KANSL1: variants seen among roughly 807,000 people sequenced by gnomAD.
KANSL1 encodes the protein MLL1/MLL complex subunit KANSL1.
KANSL1 carries 22 observed loss-of-function variants against 103.6 expected under a neutral mutation model. That is an observed-to-expected ratio of 0.21 (90% CI 0.15 to 0.30). The LOEUF is 0.30. Among genes scored for constraint, KANSL1 ranks in the 10% least tolerant of loss-of-function variants. KANSL1 has a pLI of 1.00. For synonymous variants in KANSL1, 600 were observed against 527.6 expected (o/e 1.14, Z -1.88); for missense variants, 1,337 against 1,399.8 (o/e 0.96, Z 0.72).
chr17:46,054,878 A>T (rs1322398387), intron 6 of KANSL1, among the ~76,000 whole-genome samples: 2 of 143,984 alleles, frequency 1.4e-5, no homozygotes, highest in Non-Finnish European at 3.0e-5. Flanking sequence ...TTTGAGATGG[A>T]GTCTCGCTGT....
At chr17:46,098,817 G>A (rs1702146719) in intron 2 of KANSL1, among the ~76,000 whole-genome samples, 1 of 152,192 alleles carries the variant, frequency 6.6e-6, no homozygotes, top group Non-Finnish European at 1.5e-5. Context: ...CATCTCCAAT[G>A]AAAAATGGAA....
intron 2 of KANSL1, among the ~76,000 whole-genome samples, chr17:46,146,790 G>A (rs1402130767): frequency 2.2e-5 from 3 of 133,484 alleles, no homozygotes; most frequent in Non-Finnish European, 3.0e-5. Context: ...CCGAGATCCC[G>A]CCACTGCACT....
chr17:46,101,818 T>G (rs1441494699), intron 2 of KANSL1, among the ~76,000 whole-genome samples: 1 of 149,228 alleles, frequency 6.7e-6, no homozygotes, highest in East Asian at 2.0e-4. Context: ...GGATTTAAAT[T>G]CCGTATCAAA....
intron 1 of KANSL1, among the ~76,000 whole-genome samples, chr17:46,174,930 A>G (rs1264911361): frequency 6.6e-6 from 1 of 152,250 alleles, no homozygotes; most frequent in African/African-American, 2.4e-5. Context: ...TCCTGGGATT[A>G]TAGGCATAAG....
chr17:46,125,009 GAA>G, intron 2 of KANSL1, among the ~76,000 whole-genome samples: 1 of 60,886 alleles, frequency 1.6e-5, no homozygotes, highest in African/African-American at 4.2e-5. Context: ...GAAAGAAAGG[GAA>G]GGGAAGGGAA....
intron 2 of KANSL1, among the ~76,000 whole-genome samples, chr17:46,160,235 T>A (rs1422488846): frequency 4.6e-5 from 7 of 152,112 alleles, no homozygotes; most frequent in South Asian, 2.1e-4. Context: ...CTTCCTTTTT[T>A]AAAAAAAATA....
At chr17:46,163,898 T>C (rs1234710161) in intron 2 of KANSL1, among the ~76,000 whole-genome samples, 2 of 152,252 alleles carry the variant, frequency 1.3e-5, no homozygotes, top group African/African-American at 4.8e-5. Context: ...TCAACTTGTC[T>C]TCTCTGTGTG....
At chr17:46,161,250 T>TAAAAAAA (rs534754110) in intron 2 of KANSL1, among the ~76,000 whole-genome samples, 3 of 79,398 alleles carry the variant, frequency 3.8e-5, no homozygotes, top group Admixed American at 1.3e-4. Context: ...CCACCTCTAC[T>TAAAAAAA]AAAAAAAAAA....
At chr17:46,051,875 G>A (rs1022899028) in intron 6 of KANSL1, among the ~76,000 whole-genome samples, 3 of 152,096 alleles carry the variant, frequency 2.0e-5, no homozygotes, top group Non-Finnish European at 4.4e-5. Flanking sequence ...ACATTCCCCC[G>A]ACATTCTATT....
intron 2 of KANSL1, among the ~76,000 whole-genome samples, chr17:46,111,943 T>C (rs1449459105): frequency 6.6e-6 from 1 of 152,246 alleles, no homozygotes; most frequent in East Asian, 1.9e-4. Context: ...CTTTTCAAGA[T>C]TCGATCCCAC....
chr17:46,176,564 G>A (rs761209710), intron 1 of KANSL1, among the ~76,000 whole-genome samples: 7 of 152,206 alleles, frequency 4.6e-5, no homozygotes, highest in Non-Finnish European at 1.0e-4. Context: ...GGCGGCGAGC[G>A]CCTGTAATCC....
chr17:46,180,562 T>C (rs1361839202), intron 1 of KANSL1, among the ~76,000 whole-genome samples: 1 of 152,186 alleles, frequency 6.6e-6, no homozygotes, highest in Non-Finnish European at 1.5e-5. Context: ...GGCAGGTGCC[T>C]GTAGTCCCAG....
upstream of KANSL1, chr17:46,196,375 C>T: frequency 2.2e-6 from 1 of 456,308 alleles, no homozygotes; most frequent in South Asian, 1.5e-5. Context: ...TAGGAATGGC[C>T]ATGAGATGTG....
chr17:46,224,207 A>G (rs2048614743), upstream of KANSL1, among the ~76,000 whole-genome samples: 1 of 152,238 alleles, frequency 6.6e-6, no homozygotes, highest in Non-Finnish European at 1.5e-5. Context: ...CTGTCCCAAG[A>G]TTATGCTTAA....
rs1047702998 is a variant in KANSL1, at chr17:46,052,939, G to A, written c.1849-2235C>T. ...TGATTGCACCACTGCACTGCAGCCT[G>A]GGAAAAAGAGTAAGATCCTGTCTCC... On this transcript the variant is annotated intron_variant, in intron 6 of 14. Transcript: ENST00000432791. Among the ~76,000 whole-genome samples the A allele has an allele frequency of 7.9e-5, 9 of 114,530 alleles. No homozygotes were observed. In the Admixed American group the frequency reaches 8.8e-4, roughly 11 times the overall value. The allele number at this position is 114,530 out of a possible 152,430, so 75.1% of individuals were successfully genotyped here. A position where few individuals can be genotyped will look rare whatever the true frequency, so the allele number is the denominator to read the frequency against.
At chr17:46,058,784 C>G (rs1195358470) in intron 6 of KANSL1, among the ~76,000 whole-genome samples, 1 of 87,062 alleles carries the variant, frequency 1.1e-5, no homozygotes, top group East Asian at 3.3e-4. Flanking sequence ...CTCTCTCTCT[C>G]TCTCTCTCAA....
chr17:46,182,512 A>G (rs931932511), intron 1 of KANSL1, among the ~76,000 whole-genome samples: 1 of 152,278 alleles, frequency 6.6e-6, no homozygotes, highest in South Asian at 2.1e-4. Context: ...TGTGTCACCC[A>G]CAAGACCATT....
intron 4 of KANSL1, among the ~76,000 whole-genome samples, chr17:46,072,824 G>C (rs943239300): frequency 3.3e-5 from 5 of 152,130 alleles, no homozygotes; most frequent in African/African-American, 1.2e-4. Flanking sequence ...TTTTTTTAAA[G>C]TTTTGATTAG....
chr17:46,170,974 G>C lies in KANSL1; in HGVS notation c.1170C>G (p.Asn390Lys). Residue 390 changes from asparagine (N) to lysine (K), a missense_variant, in exon 2 of 15, where the codon AAC (asparagine) becomes AAG (lysine). Asn to Lys is a moderately conservative substitution (Grantham distance 94). Around this residue, in one of 2 missense-constraint regions of KANSL1, gnomAD observed 557 missense variants for 476.4 expected, o/e 1.17. Transcript: ENST00000432791. ...LERFTASGIA[N>K]LRCSEQAFDS... ...CAAATGCCTGTTCACTGCACCTCAA[G>C]TTGGCTATGCCACTAGCTGTAAATC... 1.2e-6 allele frequency: 2 copies of C among 1,614,194 alleles called. No individual in the cohort carries two copies. The highest frequency in any genetic ancestry group is 1.6e-4 in the Middle Eastern group (1 of 6,062).
Sources: gnomAD v4.1 joint callset for allele counts (sites outside exome capture counted in the v4.1 genomes callset) on GRCh38, gnomAD v4.1.1 for gene constraint, gnomAD v4.1.1 regional missense constraint, MANE v1.5 for transcripts, NCBI Gene and HGNC (gene_info 2026-07-23, HGNC 2026-07-21) for gene names.